The following TCAIM variants were observed in gnomAD, a reference collection of about 807,000 sequenced individuals.
TCAIM encodes the protein T-cell activation inhibitor, mitochondrial.
In TCAIM, 36 loss-of-function variants were observed where a neutral mutation model predicts 58.6. The ratio of observed to expected loss-of-function variants is 0.61; its 90% CI spans 0.47 to 0.81. TCAIM has a LOEUF of 0.81. Among genes scored for constraint, TCAIM ranks in the 30% least tolerant of loss-of-function variants. The probability of loss-of-function intolerance (pLI) is 0.00; values close to 1 mark genes in which losing one functional copy is unlikely to be tolerated. For missense variants in TCAIM, 466 were observed against 579.6 expected (o/e 0.80, Z 2.01); for synonymous variants, 172 against 193.6 (o/e 0.89, Z 0.93).
At chr3:44,398,431 A>C (rs964349746) in intron 8 of TCAIM, among the ~76,000 whole-genome samples, 2 of 147,274 alleles carry the variant, frequency 1.4e-5, no homozygotes, top group African/African-American at 2.5e-5. Context: ...CTGTGTCTCA[A>C]ATAGATACAA....
At chr3:44,357,651 A>G (rs1282943553) in intron 2 of TCAIM, 90 bp from the exon 3 acceptor site, 1 of 1,513,746 alleles carries the variant, frequency 6.6e-7, no homozygotes, top group South Asian at 1.3e-5. Context: ...TGCTGTGCAT[A>G]GTACGTTTAG....
In TCAIM at chr3:44,358,413, G is replaced by A. The variant is rs182370686; in HGVS notation, c.165+537G>A. ...ATACAGTCAGTCCTTCATATCCATG[G>A]GTTTTACATCCATGGATTCAACCAA... is the stretch of plus-strand genomic sequence containing the variant. On this transcript the variant is annotated intron_variant, in intron 3 of 10. Transcript: ENST00000342649. 14 of 606,486 alleles carry A rather than the reference G, an allele frequency of 2.3e-5. 2 individuals carry two copies. In the South Asian group the frequency reaches 2.9e-4, roughly 12 times the overall value. The allele number at this position is 606,486 out of a possible 1,614,324, so 37.6% of individuals were successfully genotyped here.
At chr3:44,368,978 G>A (rs1701422596) in intron 5 of TCAIM, among the ~76,000 whole-genome samples, 1 of 152,158 alleles carries the variant, frequency 6.6e-6, no homozygotes, top group Non-Finnish European at 1.5e-5. Context: ...AACTATGATT[G>A]TGCCACTGCA....
chr3:44,366,136 G>A (rs1701370090), intron 4 of TCAIM, among the ~76,000 whole-genome samples: 1 of 152,186 alleles, frequency 6.6e-6, no homozygotes, highest in African/African-American at 2.4e-5. Flanking sequence ...GGCATAGTTG[G>A]TGGTAGTGTT....
chr3:44,374,498 A>G (rs1559572464), intron 5 of TCAIM, among the ~76,000 whole-genome samples: 2 of 152,274 alleles, frequency 1.3e-5, no homozygotes, highest in East Asian at 1.9e-4. Context: ...GCTTCTAACT[A>G]TAATCCCAGC....
rs1467747891 is a variant in TCAIM, at chr3:44,392,882, T to C, written c.600T>C (p.Ser200=). The change falls in exon 6 of 11, where the codon AGT becomes AGC. Residue 200 remains serine, a synonymous_variant. Transcript: ENST00000342649. ...LTSWLDNNGK[S]AVKKLKNSLP... ...CCTGGTTAGATAACAATGGGAAAAG[T>C]GCTGTTAAAAAGCTAAAGAACAGTT... 6.8e-6 allele frequency: 11 copies of C among 1,613,252 alleles called. No individual in the cohort carries two copies. In the Admixed American group the frequency reaches 1.3e-4, roughly 20 times the overall value.
At chr3:44,349,874 C>T (rs1388293795) in intron 1 of TCAIM, among the ~76,000 whole-genome samples, 1 of 152,090 alleles carries the variant, frequency 6.6e-6, no homozygotes, top group South Asian at 2.1e-4. Flanking sequence ...AGAAAGAGGC[C>T]GCTTACCCGA....
chr3:44,383,560 T>C (rs925281259), intron 5 of TCAIM, among the ~76,000 whole-genome samples: 19 of 152,090 alleles, frequency 1.2e-4, no homozygotes, highest in African/African-American at 4.6e-4. Context: ...AAGGGGGCGT[T>C]AGTGTTTAAT....
intron 5 of TCAIM, among the ~76,000 whole-genome samples, chr3:44,384,646 G>GT (rs1420446456): frequency 6.6e-6 from 1 of 152,186 alleles, no homozygotes; most frequent in Non-Finnish European, 1.5e-5. Context: ...AGTTTTCATA[G>GT]TTTTTGCTTG....
At chr3:44,398,569 G>A (rs1701975640) in intron 8 of TCAIM, among the ~76,000 whole-genome samples, 1 of 152,134 alleles carries the variant, frequency 6.6e-6, no homozygotes, top group Non-Finnish European at 1.5e-5. Flanking sequence ...TGATAAGAAT[G>A]CAGAAAAAAT....
chr3:44,358,227 G>A lies in TCAIM; in HGVS notation c.165+351G>A, dbSNP rs748147911. The A allele has an allele frequency of 3.1e-5, 48 of 1,553,466 alleles. No individual in the cohort carries two copies. The South Asian group carries it at 3.6e-4, about 12-fold the overall frequency. ...TTTTTTTTTTTTAAGGATGATACAT[G>A]GAAGAGTTTTCAATGCCCTAGTGAT... On this transcript the variant is annotated intron_variant, in intron 3 of 10. Transcript: ENST00000342649.
intron 5 of TCAIM, among the ~76,000 whole-genome samples, chr3:44,382,911 A>T (rs1701676171): frequency 6.6e-6 from 1 of 152,242 alleles, no homozygotes; most frequent in Admixed American, 6.5e-5. Flanking sequence ...AACCCATTTC[A>T]AAAATGGGCA....
intron 5 of TCAIM, among the ~76,000 whole-genome samples, chr3:44,385,484 G>A (rs1701724048): frequency 6.6e-6 from 1 of 152,182 alleles, no homozygotes; most frequent in Non-Finnish European, 1.5e-5. Flanking sequence ...GCTCATGCCT[G>A]TAATCCCAGC....
At chr3:44,370,086 C>A (rs376091879) in intron 5 of TCAIM, among the ~76,000 whole-genome samples, 1 of 41,514 alleles carries the variant, frequency 2.4e-5, no homozygotes, top group Admixed American at 3.2e-4. Context: ...GCTGTGAATT[C>A]TTGATTTCCT....
At chr3:44,355,210 A>T (rs987458156) in intron 2 of TCAIM, among the ~76,000 whole-genome samples, 1 of 151,652 alleles carries the variant, frequency 6.6e-6, no homozygotes, top group African/African-American at 2.4e-5. Context: ...CTCCTGGCGC[A>T]TGGCAGGTGT....
At chr3:44,380,046 A>G (rs991429781) in intron 5 of TCAIM, among the ~76,000 whole-genome samples, 1 of 152,190 alleles carries the variant, frequency 6.6e-6, no homozygotes, top group Non-Finnish European at 1.5e-5. Context: ...AAATAAAAAA[A>G]AAATTAAGAA....
chr3:44,378,005 A>G (rs1248220661), intron 5 of TCAIM, among the ~76,000 whole-genome samples: 1 of 152,220 alleles, frequency 6.6e-6, no homozygotes, highest in Non-Finnish European at 1.5e-5. Context: ...CAGAGTAAAC[A>G]GACAACCTAC....
rs1701397846 is a variant in TCAIM, at chr3:44,367,471, A to G, written c.335A>G (p.Lys112Arg). Residue 112 changes from lysine to arginine, a missense_variant, in exon 5 of 11, where the codon AAA becomes AGA. Coordinates refer to ENST00000342649, the MANE Select transcript of TCAIM (RefSeq NM_173826.4). The stretch of plus-strand genomic sequence containing the variant: ...TATTCTCTAGGATTTCGAGCAGTCA[A>G]ATTTACTTTGCACACCAGAGATCTG... Reference protein sequence around the residue: ...PFSTSGFRAVKFTLHTRDLLS... With the variant: ...PFSTSGFRAVRFTLHTRDLLS... 1.2e-6 allele frequency: 2 copies of G among 1,609,278 alleles called. No individual in the cohort carries two copies. Among genetic ancestry groups the G allele is most frequent in the Non-Finnish European group, 1.7e-6 (2 of 1,176,402 alleles).
intron 5 of TCAIM, among the ~76,000 whole-genome samples, chr3:44,383,017 A>G (rs1701677704): frequency 6.6e-6 from 1 of 152,204 alleles, no homozygotes; most frequent in African/African-American, 2.4e-5. Flanking sequence ...GAGAAATGCA[A>G]ATTAAAACTA....
Sources: gnomAD v4.1 joint callset for allele counts (sites outside exome capture counted in the v4.1 genomes callset) on GRCh38, gnomAD v4.1.1 for gene constraint, MANE v1.5 for transcripts, NCBI Gene and HGNC (gene_info 2026-07-23, HGNC 2026-07-21) for gene names.